FOXP1: variants seen among roughly 807,000 people sequenced by gnomAD.
FOXP1 encodes the protein forkhead box protein P1.
In FOXP1, 15 loss-of-function variants were observed where a neutral mutation model predicts 98.2. The ratio of observed to expected loss-of-function variants is 0.15; its 90% CI spans 0.10 to 0.24. The LOEUF is 0.24. Among genes scored for constraint, FOXP1 ranks in the 10% least tolerant of loss-of-function variants. The pLI is 1.00. For missense variants in FOXP1, 633 were observed against 848.5 expected (o/e 0.75, Z 3.15); for synonymous variants, 371 against 314.5 (o/e 1.18, Z -1.90).
chr3:70,983,136 A>G (rs1337758807), intron 14 of FOXP1, among the ~76,000 whole-genome samples: 1 of 152,128 alleles, frequency 6.6e-6, no homozygotes, highest in Non-Finnish European at 1.5e-5. Flanking sequence ...AGCCTTTGTT[A>G]CAAGCCTTTC....
rs1007597275 is a variant in FOXP1 at position 71,232,588 on chromosome 3, C to CA, written c.-11-34197dup. On this transcript the variant is annotated intron_variant, in intron 5 of 20. Coordinates refer to ENST00000649528, the MANE Select transcript of FOXP1 (RefSeq NM_001349338.3). ...ATGAAACAGAGAATAGAAACTCCGA[C>CA]AAAAAAAACAAAAAGAAGATAGGGT... 2.0e-4 allele frequency among the ~76,000 whole-genome samples: 30 copies of CA among 150,718 alleles called. No homozygotes were observed. The Middle Eastern group carries it at 0.02, about 103-fold the overall frequency.
At chr3:71,372,753 A>G (rs767877604) in intron 3 of FOXP1, among the ~76,000 whole-genome samples, 18 of 152,214 alleles carry the variant, frequency 1.2e-4, no homozygotes, top group Non-Finnish European at 2.4e-4. Flanking sequence ...ACTCGAAGCT[A>G]TAATGTAACA....
chr3:71,227,732 T>TAAAA (rs59752685), intron 5 of FOXP1, among the ~76,000 whole-genome samples: 9 of 139,508 alleles, frequency 6.5e-5, no homozygotes, highest in African/African-American at 2.3e-4. Flanking sequence ...TCAATGTTTT[T>TAAAA]AAAAAAAAAA....
At chr3:71,273,047 G>C (rs972261916) in intron 5 of FOXP1, among the ~76,000 whole-genome samples, 1 of 152,130 alleles carries the variant, frequency 6.6e-6, no homozygotes, top group Non-Finnish European at 1.5e-5. Context: ...TCGTGTGTGC[G>C]CATCCATCTG....
chr3:71,460,650 G>A (rs2108536773), intron 3 of FOXP1, among the ~76,000 whole-genome samples: 1 of 152,260 alleles, frequency 6.6e-6, no homozygotes, highest in Admixed American at 6.5e-5. Flanking sequence ...TGTTGCCCAG[G>A]CTGGTCATAA....
At chr3:71,354,694 C>A (rs970698492) in intron 4 of FOXP1, among the ~76,000 whole-genome samples, 2 of 152,296 alleles carry the variant, frequency 1.3e-5, no homozygotes, top group African/African-American at 4.8e-5. Flanking sequence ...CAGAAGAAAG[C>A]AGAAGATGAG....
Position 71,358,152 on chromosome 3 carries a change from T to C in FOXP1, c.-73+998A>G, listed in dbSNP as rs150596759. Among the ~76,000 whole-genome samples the C allele has an allele frequency of 3.3e-5, 5 of 152,336 alleles. No homozygotes were observed. The East Asian group carries it at 9.6e-4, about 29-fold the overall frequency. ...TGTAGGCATCCAAAGCATTATTATT[T>C]ATTAAGGCCTATATTAAAGGTGAGA... is the stretch of plus-strand genomic sequence containing the variant. On this transcript the variant is annotated intron_variant, in intron 4 of 20. Coordinates refer to ENST00000649528, the MANE Select transcript of FOXP1 (RefSeq NM_001349338.3).
Position 71,141,278 on chromosome 3 carries a change from A to AAG in FOXP1, c.181-28642_181-28641insCT, listed in dbSNP as rs1170372736. On this transcript the variant is annotated intron_variant, in intron 6 of 20. Coordinates refer to ENST00000649528, the MANE Select transcript of FOXP1 (RefSeq NM_001349338.3). ...CAAGACTCTGTCTCAAAAAAAAAAA[A>AAG]AAAAAAAAGAAACTGTGATCCAAAC... Among the ~76,000 whole-genome samples the AAG allele has an allele frequency of 2.0e-5, 3 of 150,438 alleles. No homozygotes were observed. The East Asian group carries it at 5.8e-4, about 29-fold the overall frequency.
chr3:71,204,034 T>C (rs1329101444), intron 5 of FOXP1, among the ~76,000 whole-genome samples: 1 of 151,914 alleles, frequency 6.6e-6, no homozygotes, highest in East Asian at 1.9e-4. Context: ...ATTTTGGAAA[T>C]ATTGAACACA....
intron 7 of FOXP1, among the ~76,000 whole-genome samples, chr3:71,090,765 G>A (rs1171907586): frequency 6.6e-6 from 1 of 152,214 alleles, no homozygotes; most frequent in South Asian, 2.1e-4. Flanking sequence ...CTGCACAGAA[G>A]ACCTACAGAA....
At chr3:71,017,556 G>A (rs1461700435) in intron 11 of FOXP1, among the ~76,000 whole-genome samples, 8 of 150,624 alleles carry the variant, frequency 5.3e-5, no homozygotes, top group South Asian at 2.1e-4. Flanking sequence ...GATAAGGCAC[G>A]AATATTTATA....
chr3:71,219,878 C>CCT (rs71104430), intron 5 of FOXP1, among the ~76,000 whole-genome samples: 149,118 of 152,154 alleles, frequency 0.98, 73,085 homozygotes, highest in East Asian at 1. Context: ...CTCTCTCTCT[C>CCT]CTGTTTCCAC....
At chr3:71,149,538 C>T (rs1233840183) in intron 6 of FOXP1, among the ~76,000 whole-genome samples, 1 of 152,090 alleles carries the variant, frequency 6.6e-6, no homozygotes, top group African/African-American at 2.4e-5. Context: ...TTTTATGTAT[C>T]AAGTATTTTT....
chr3:71,440,739 C>T (rs1294966983), intron 3 of FOXP1, among the ~76,000 whole-genome samples: 1 of 151,400 alleles, frequency 6.6e-6, no homozygotes, highest in Non-Finnish European at 1.5e-5. Context: ...CTGGCATGTG[C>T]CTGTGGTCCC....
At chr3:71,265,193 C>A (rs536062165) in intron 5 of FOXP1, among the ~76,000 whole-genome samples, 1 of 152,162 alleles carries the variant, frequency 6.6e-6, no homozygotes, top group Admixed American at 6.5e-5. Context: ...CTGGACTGTT[C>A]AACAACCTTG....
At chr3:71,048,255 G>C (rs960596832) in intron 9 of FOXP1, among the ~76,000 whole-genome samples, 8 of 152,088 alleles carry the variant, frequency 5.3e-5, no homozygotes, top group African/African-American at 1.9e-4. Flanking sequence ...AGCCCTTTCA[G>C]AGCTTACATG....
At chr3:71,324,829 A>G (rs574234632) in intron 4 of FOXP1, among the ~76,000 whole-genome samples, 2 of 152,142 alleles carry the variant, frequency 1.3e-5, no homozygotes, top group Non-Finnish European at 2.9e-5. Context: ...AAAAAAATAA[A>G]CCAAGCGGTT....
intron 8 of FOXP1, 44 bp from the exon 9 acceptor site, chr3:71,052,670 A>G: frequency 1.1e-6 from 1 of 880,344 alleles, no homozygotes; most frequent in Non-Finnish European, 2.0e-6. Flanking sequence ...GGGTAGCGCC[A>G]ATCCACTGTC....
At chr3:70,972,454 C>G in intron 18 of FOXP1, 101 bp downstream of exon 18, 2 of 1,527,990 alleles carry the variant, frequency 1.3e-6, no homozygotes, top group South Asian at 1.1e-5. Flanking sequence ...CAACGTGAAA[C>G]CAGTTCTTTG....
Sources: allele counts gnomAD v4.1 joint callset (sites outside exome capture counted in the v4.1 genomes callset), GRCh38; gene constraint gnomAD v4.1.1; transcripts MANE v1.5; gene names NCBI Gene and HGNC (gene_info 2026-07-23, HGNC 2026-07-21).